The following SEMA6D variants were observed in gnomAD, a reference collection of about 807,000 sequenced individuals.
The protein encoded by SEMA6D is semaphorin-6D.
A neutral mutation model predicts 106.6 loss-of-function variants in SEMA6D; 35 were observed. The observed-to-expected ratio is 0.33, with a 90% CI of 0.25 to 0.44. SEMA6D has a LOEUF of 0.44. Among genes scored for constraint, SEMA6D ranks in the 20% least tolerant of loss-of-function variants. SEMA6D has a pLI of 1.00. For synonymous variants in SEMA6D, 499 were observed against 487.7 expected (o/e 1.02, Z -0.31); for missense variants, 1,185 against 1,345.9 (o/e 0.88, Z 1.87).
chr15:47,333,318 A>C (rs959905323), intron 1 of SEMA6D, among the ~76,000 whole-genome samples: 35 of 152,170 alleles, frequency 2.3e-4, no homozygotes, highest in African/African-American at 8.4e-4. Flanking sequence ...AAAATAGAAT[A>C]ATTGATCAAA....
chr15:47,219,520 C>T, intron 1 of SEMA6D, among the ~76,000 whole-genome samples: 1 of 152,178 alleles, frequency 6.6e-6, no homozygotes, highest in African/African-American at 2.4e-5. Context: ...CATTAGCACT[C>T]CCAAACACAA....
At chr15:47,629,009 A>AG (rs989448698) in intron 4 of SEMA6D, among the ~76,000 whole-genome samples, 29 of 152,124 alleles carry the variant, frequency 1.9e-4, no homozygotes, top group Admixed American at 7.9e-4. Context: ...TCCTCCATTG[A>AG]GGGAGCACCT....
chr15:47,354,586 T>C (rs28731088), intron 1 of SEMA6D, among the ~76,000 whole-genome samples: 6 of 139,326 alleles, frequency 4.3e-5, no homozygotes, highest in Admixed American at 1.5e-4. Flanking sequence ...TACACACACA[T>C]ATATATGTAT....
chr15:47,203,615 C>T (rs1273728546), intron 1 of SEMA6D, among the ~76,000 whole-genome samples: 2 of 152,112 alleles, frequency 1.3e-5, no homozygotes, highest in Admixed American at 6.6e-5. Context: ...TCTTTGAGCT[C>T]ATACTTTATA....
In SEMA6D at chr15:47,581,106, C is replaced by T. The variant is rs572943101; in HGVS notation, c.-86-19759C>T. On this transcript the variant is annotated intron_variant, in intron 3 of 19. Transcript: ENST00000558014. ...ACAGGCTGCAACCCACCCCTGCCTC[C>T]ACAAGCAAACTTCAGATCTTTTTCA... Among the ~76,000 whole-genome samples the T allele has an allele frequency of 3.3e-5, 5 of 152,302 alleles. No homozygotes were observed. The East Asian group carries it at 7.7e-4, about 24-fold the overall frequency.
chr15:47,350,528 T>C (rs151212462), intron 1 of SEMA6D, among the ~76,000 whole-genome samples: 1,688 of 152,292 alleles, frequency 0.011, 13 homozygotes, highest in Non-Finnish European at 0.014. Flanking sequence ...CTCTGTCCCT[T>C]TCTACCAGCT....
At chr15:47,580,409 C>G (rs561455792) in intron 3 of SEMA6D, among the ~76,000 whole-genome samples, 7 of 152,186 alleles carry the variant, frequency 4.6e-5, no homozygotes, top group Non-Finnish European at 1.0e-4. Flanking sequence ...CCATGACTAG[C>G]AAGGTGCAAG....
chr15:47,682,943 A>C (rs958571659), intron 4 of SEMA6D, among the ~76,000 whole-genome samples: 2 of 152,232 alleles, frequency 1.3e-5, no homozygotes, highest in Non-Finnish European at 2.9e-5. Context: ...TGCTAAGCAC[A>C]TAAGTGCTGT....
chr15:47,504,058 T>G (rs2043954478), intron 3 of SEMA6D, among the ~76,000 whole-genome samples: 1 of 152,194 alleles, frequency 6.6e-6, no homozygotes, highest in Non-Finnish European at 1.5e-5. Context: ...CATTGGCAGC[T>G]GGACATGAAG....
Position 47,425,485 on chromosome 15 carries a change from T to A in SEMA6D, c.-159+13013T>A, listed in dbSNP as rs996002049. On this transcript the variant is annotated intron_variant, in intron 2 of 19. Transcript: ENST00000558014. ...ACCCCCAACAGAATCCTATGTTTGA[T>A]CCATGTTGGCCTACAAGGCTAATGG... 9.9e-5 allele frequency among the ~76,000 whole-genome samples: 15 copies of A among 152,074 alleles called. 1 individual carries two copies. The highest frequency in any genetic ancestry group is 7.2e-4 in the Admixed American group (11 of 15,252).
chr15:47,350,761 G>T (rs2038291663), intron 1 of SEMA6D, among the ~76,000 whole-genome samples: 1 of 152,168 alleles, frequency 6.6e-6, no homozygotes, highest in Admixed American at 6.5e-5. Context: ...GACAGATGTT[G>T]TGGGTTCAAA....
chr15:47,277,653 G>A (rs1340345534), intron 1 of SEMA6D, among the ~76,000 whole-genome samples: 1 of 149,986 alleles, frequency 6.7e-6, no homozygotes, highest in East Asian at 2.0e-4. Context: ...GGGTACATGT[G>A]CACAATGTAC....
At chr15:47,245,706 T>C (rs2033158578) in intron 1 of SEMA6D, among the ~76,000 whole-genome samples, 2 of 152,212 alleles carry the variant, frequency 1.3e-5, no homozygotes, top group East Asian at 1.9e-4. Context: ...TGTGGACAAA[T>C]TGGTGATCTT....
chr15:47,310,008 G>A (rs1258179791), intron 1 of SEMA6D, among the ~76,000 whole-genome samples: 2 of 152,180 alleles, frequency 1.3e-5, no homozygotes, highest in African/African-American at 4.8e-5. Flanking sequence ...GGCCTTGACT[G>A]ACTGTACAAG....
chr15:47,256,619 G>A (rs929495178), intron 1 of SEMA6D, among the ~76,000 whole-genome samples: 18 of 152,140 alleles, frequency 1.2e-4, no homozygotes, highest in African/African-American at 3.6e-4. Context: ...TCAGCACTTC[G>A]GGAGGCCGAG....
At chr15:47,341,999 A>AT (rs1261946758) in intron 1 of SEMA6D, among the ~76,000 whole-genome samples, 1 of 130,006 alleles carries the variant, frequency 7.7e-6, no homozygotes, top group African/African-American at 3.4e-5. Flanking sequence ...CACATCCTTT[A>AT]CCCTGTGTTT....
At chr15:47,593,819 C>G (rs2076486904) in intron 3 of SEMA6D, among the ~76,000 whole-genome samples, 1 of 152,014 alleles carries the variant, frequency 6.6e-6, no homozygotes, top group Admixed American at 6.6e-5. Context: ...GGAGTGGAAG[C>G]AAGAAAGAGG....
intron 1 of SEMA6D, among the ~76,000 whole-genome samples, chr15:47,277,616 A>ATTTATTTAT (rs537046889): frequency 0.024 from 3,227 of 137,026 alleles, 44 homozygotes; most frequent in Middle Eastern, 0.049. Context: ...ATTATTATTT[A>ATTTATTTAT]TTATTATTAT....
intron 2 of SEMA6D, among the ~76,000 whole-genome samples, chr15:47,424,966 G>A (rs72733826): frequency 0.034 from 5,225 of 152,074 alleles, 136 homozygotes; most frequent in Non-Finnish European, 0.049. Context: ...AGTCAAATGA[G>A]CCCCAAAAGC....
Sources: gnomAD v4.1 joint callset for allele counts (sites outside exome capture counted in the v4.1 genomes callset) on GRCh38, gnomAD v4.1.1 for gene constraint, MANE v1.5 for transcripts, NCBI Gene and HGNC (gene_info 2026-07-23, HGNC 2026-07-21) for gene names.